RIN3: variants seen among roughly 807,000 people sequenced by gnomAD.
The protein encoded by RIN3 is Ras and Rab interactor 3.
RIN3 carries 54 observed loss-of-function variants against 76.3 expected under a neutral mutation model. The ratio of observed to expected loss-of-function variants is 0.71; its 90% CI spans 0.57 to 0.89. RIN3 has a LOEUF of 0.89. RIN3 is among the 40% of genes least tolerant of loss of function. The pLI is 0.00. For synonymous variants in RIN3, 576 were observed against 564.0 expected, an observed-to-expected ratio of 1.02 and a Z score of -0.30; for missense variants, 1,256 against 1,322.1, an observed-to-expected ratio of 0.95 and a Z score of 0.78.
At chr14:92,585,564 C>A (rs1566855161) in intron 3 of RIN3, among the ~76,000 whole-genome samples, 1 of 152,228 alleles carries the variant, frequency 6.6e-6, no homozygotes, top group Admixed American at 6.5e-5. Context: ...AAAGCACATG[C>A]CTTAGAGTGG....
chr14:92,558,892 T>C (rs373519935), intron 2 of RIN3, among the ~76,000 whole-genome samples: 16 of 148,544 alleles, frequency 1.1e-4, no homozygotes, highest in South Asian at 6.5e-4. Context: ...CTTTTCTTTT[T>C]TTTTTTTTTT....
intron 7 of RIN3, among the ~76,000 whole-genome samples, chr14:92,663,761 C>T (rs1027981579): frequency 6.6e-6 from 1 of 152,182 alleles, no homozygotes; most frequent in Non-Finnish European, 1.5e-5. Flanking sequence ...GGGGTTCATC[C>T]ACGGTCCTGG....
intron 4 of RIN3, among the ~76,000 whole-genome samples, chr14:92,639,045 T>C (rs1886882647): frequency 6.6e-6 from 1 of 152,242 alleles, no homozygotes; most frequent in South Asian, 2.1e-4. Context: ...TCTGCTCTGC[T>C]ATGCCTCCAG....
Position 92,513,901 on chromosome 14 carries a change from C to T in RIN3, c.-32C>T. 2 of 1,254,038 alleles carry T rather than the reference C, an allele frequency of 1.6e-6. No individual in the cohort carries two copies. The highest frequency in any genetic ancestry group is 3.2e-5 in the East Asian group (1 of 31,396). The allele number at this position is 1,254,038 out of a possible 1,614,324, so 77.7% of individuals were successfully genotyped here. On this transcript the variant is annotated 5_prime_UTR_variant, in exon 1 of 10. Coordinates refer to ENST00000216487, the MANE Select transcript of RIN3 (RefSeq NM_024832.5). ...TTCCGCGCGGCCCGGCGCCTGAGCG[C>T]CTCCGTTCCCCGTCCCGGAGCTGCC...
chr14:92,675,497 C>T (rs1293108556), intron 7 of RIN3, among the ~76,000 whole-genome samples: 2 of 152,238 alleles, frequency 1.3e-5, no homozygotes, highest in Admixed American at 6.5e-5. Context: ...ACATCCAGAC[C>T]TGGTAACCCC....
At chr14:92,612,662 GA>G (rs1399204081) in intron 3 of RIN3, among the ~76,000 whole-genome samples, 1 of 152,380 alleles carries the variant, frequency 6.6e-6, no homozygotes, top group African/African-American at 2.4e-5. Flanking sequence ...TTCGTGTGAA[GA>G]GATGCTGTTT....
rs76459041 is a variant in RIN3 at position 92,599,025 on chromosome 14, G to A, written c.368-16382G>A. On this transcript the variant is annotated intron_variant, in intron 3 of 9. Coordinates refer to ENST00000216487, the MANE Select transcript of RIN3 (RefSeq NM_024832.5). ...ATAGTCCACGCAAGTGCACAGAATGGCAGAATGGTGGGGTGCATCCAGGGA... is the reference window on the plus strand; with the variant it reads ...ATAGTCCACGCAAGTGCACAGAATGACAGAATGGTGGGGTGCATCCAGGGA... Among the ~76,000 whole-genome samples the A allele has an allele frequency of 4.7e-4, 72 of 152,240 alleles. 1 individual carries two copies. The East Asian group carries it at 0.014, about 29-fold the overall frequency.
At chr14:92,564,125 A>T (rs1897854465) in intron 2 of RIN3, among the ~76,000 whole-genome samples, 1 of 152,290 alleles carries the variant, frequency 6.6e-6, no homozygotes, top group African/African-American at 2.4e-5. Flanking sequence ...CTAAAATAAC[A>T]GAAGTGGAAA....
At chr14:92,661,754 C>CAAA (rs796462501) in intron 7 of RIN3, among the ~76,000 whole-genome samples, 31 of 133,488 alleles carry the variant, frequency 2.3e-4, no homozygotes, top group East Asian at 9.3e-4. Flanking sequence ...CACACACACA[C>CAAA]ACACAAAAAA....
At chr14:92,515,261 GC>G (rs113755633) in intron 1 of RIN3, 1 of 700,104 alleles carries the variant, frequency 1.4e-6, no homozygotes, top group African/African-American at 1.7e-5. Context: ...TTGGGGAAGA[GC>G]CCCCCAACCC....
rs767680687 is a variant in RIN3 at position 92,651,964 on chromosome 14, C to T, written c.915C>T (p.Pro305=). 3.7e-4 allele frequency: 565 copies of T among 1,528,982 alleles called. No homozygotes were observed. The highest frequency in any genetic ancestry group is 4.8e-4 in the Non-Finnish European group (538 of 1,131,410). The allele number at this position is 1,528,982 out of a possible 1,614,324, so 94.7% of individuals were successfully genotyped here. A position where few individuals can be genotyped will look rare whatever the true frequency, so the allele number is the denominator to read the frequency against. ...AQPPVLPALA[P]APACPLPTSP... Reference sequence around the variant, plus strand: ...CCCCTGTGCTCCCTGCTCTTGCCCCCGCCCCTGCCTGTCCTTTGCCCACCT... The same window carrying T: ...CCCCTGTGCTCCCTGCTCTTGCCCCTGCCCCTGCCTGTCCTTTGCCCACCT... The change falls in exon 6 of 10, where the codon CCC becomes CCT. Residue 305 remains proline (P), a synonymous_variant. Transcript: ENST00000216487.
At chr14:92,581,405 T>A (rs1898432935) in intron 3 of RIN3, among the ~76,000 whole-genome samples, 1 of 152,212 alleles carries the variant, frequency 6.6e-6, no homozygotes, top group African/African-American at 2.4e-5. Context: ...CTCTTGAATT[T>A]CCACAGCAAC....
In RIN3 at chr14:92,547,096, T is replaced by TTATAAAATA. The variant is rs1566836618; in HGVS notation, c.45-8655_45-8654insTATAAAATA. Among the ~76,000 whole-genome samples the TTATAAAATA allele has an allele frequency of 3.6e-3, 339 of 94,812 alleles. 92 individuals carry two copies. Among genetic ancestry groups the TTATAAAATA allele is most frequent in the East Asian group, 0.014 (71 of 4,918 alleles). 62.2% of individuals were successfully genotyped at this position (94,812 alleles called of 152,430 possible). ...TTTTATATTATATTATATTATATTA[T>TTATAAAATA]AATTAAATAAATTATCTTTATTTTA... On this transcript the variant is annotated intron_variant, in intron 1 of 9. Coordinates refer to ENST00000216487, the MANE Select transcript of RIN3 (RefSeq NM_024832.5).
intron 4 of RIN3, among the ~76,000 whole-genome samples, chr14:92,634,637 A>G (rs1371726461): frequency 1.3e-5 from 2 of 151,752 alleles, no homozygotes; most frequent in Non-Finnish European, 2.9e-5. Flanking sequence ...AGGCCGAATC[A>G]CTGAAGGTCA....
At position 92,676,542 on chromosome 14, in the gene RIN3, G is replaced by A. The variant is rs56208303; in HGVS notation, c.2403G>A (p.Thr801=). Residue 801 remains threonine (T), a synonymous_variant, in exon 8 of 10, where the codon ACG becomes ACA. Coordinates refer to ENST00000216487, the MANE Select transcript of RIN3 (RefSeq NM_024832.5). ...ATGTGCTGGCCCGCAGCAACCTCAC[G>A]GAGATGCTTCTCAATGTGGAGTACA... ...LMYVLARSNL[T]EMLLNVEYMM... The A allele has an allele frequency of 4.6e-3, 7,428 of 1,614,092 alleles. 297 individuals carry two copies. In the African/African-American group the frequency reaches 0.084, roughly 18 times the overall value.
chr14:92,677,997 A>C, intron 8 of RIN3, among the ~76,000 whole-genome samples: 1 of 147,646 alleles, frequency 6.8e-6, no homozygotes, highest in Non-Finnish European at 1.5e-5. Context: ...ATATTCAGCT[A>C]CCCATCCACA....
At chr14:92,629,128 AGAGAGAGAGAG>A (rs1886466818) in intron 4 of RIN3, among the ~76,000 whole-genome samples, 3 of 25,650 alleles carry the variant, frequency 1.2e-4, no homozygotes, top group African/African-American at 4.7e-4. Flanking sequence ...AGAGAGAGAG[AGAGAGAGAGAG>A]AGAGAGAGAG....
chr14:92,540,723 C>G (rs2140015428), intron 1 of RIN3, among the ~76,000 whole-genome samples: 1 of 152,330 alleles, frequency 6.6e-6, no homozygotes, highest in South Asian at 2.1e-4. Context: ...GAGAAGCCAG[C>G]CTGGCCGCCT....
At chr14:92,542,673 A>T (rs1407133927) in intron 1 of RIN3, among the ~76,000 whole-genome samples, 1 of 152,266 alleles carries the variant, frequency 6.6e-6, no homozygotes, top group African/African-American at 2.4e-5. Flanking sequence ...CTCAAATGTT[A>T]GCTGATGAAT....
Sources: allele counts gnomAD v4.1 joint callset (sites outside exome capture counted in the v4.1 genomes callset), GRCh38; gene constraint gnomAD v4.1.1; transcripts MANE v1.5; gene names NCBI Gene and HGNC (gene_info 2026-07-23, HGNC 2026-07-21).